The following NKAIN2 variants were observed in gnomAD, a reference collection of about 807,000 sequenced individuals.
NKAIN2 encodes the protein sodium/potassium transporting ATPase interacting 2.
A neutral mutation model predicts 32.6 loss-of-function variants in NKAIN2; 14 were observed. The observed-to-expected ratio is 0.43, with a 90% CI of 0.28 to 0.67. NKAIN2 has a LOEUF of 0.67. Ranked by LOEUF, NKAIN2 falls within the 30% of genes least tolerant of loss-of-function variation. NKAIN2 has a pLI of 0.17. For missense variants in NKAIN2, 198 were observed against 258.3 expected, an observed-to-expected ratio of 0.77 and a Z score of 1.60; for synonymous variants, 80 against 87.2, an observed-to-expected ratio of 0.92 and a Z score of 0.46.
intron 3 of NKAIN2, among the ~76,000 whole-genome samples, chr6:124,520,036 C>A (rs892943672): frequency 6.6e-6 from 1 of 152,064 alleles, no homozygotes; most frequent in African/African-American, 2.4e-5. Context: ...AGGTCACAGA[C>A]AAGTAAGTAT....
At chr6:124,231,549 T>C (rs1184177684) in intron 1 of NKAIN2, among the ~76,000 whole-genome samples, 3 of 152,130 alleles carry the variant, frequency 2.0e-5, no homozygotes, top group Non-Finnish European at 4.4e-5. Flanking sequence ...AGGGACTTGG[T>C]AGGAGATAAT....
intron 3 of NKAIN2, among the ~76,000 whole-genome samples, chr6:124,530,495 T>C (rs77554329): frequency 0.038 from 5,766 of 152,086 alleles, 385 homozygotes; most frequent in African/African-American, 0.13. Context: ...GGTAGGGACA[T>C]TCAATGGAAC....
At chr6:124,807,489 A>G (rs1780632991) in intron 5 of NKAIN2, among the ~76,000 whole-genome samples, 1 of 151,472 alleles carries the variant, frequency 6.6e-6, no homozygotes, top group Non-Finnish European at 1.5e-5. Context: ...CATTCAAAGC[A>G]GTGTGTAGAG....
At chr6:124,193,814 G>C (rs997387574) in intron 1 of NKAIN2, among the ~76,000 whole-genome samples, 2 of 152,016 alleles carry the variant, frequency 1.3e-5, no homozygotes, top group African/African-American at 4.8e-5. Flanking sequence ...GGTGTCCTGA[G>C]GAGTGTTCAG....
At chr6:124,280,734 G>A (rs1018600673) in intron 1 of NKAIN2, among the ~76,000 whole-genome samples, 3 of 152,100 alleles carry the variant, frequency 2.0e-5, no homozygotes, top group Non-Finnish European at 4.4e-5. Flanking sequence ...GGAATTCATA[G>A]GAAAGACTGC....
intron 2 of NKAIN2, among the ~76,000 whole-genome samples, chr6:124,342,507 T>A (rs946764862): frequency 6.6e-6 from 1 of 151,890 alleles, no homozygotes; most frequent in Non-Finnish European, 1.5e-5. Context: ...CTTTTTTTGT[T>A]GTTTTTTCTT....
intron 2 of NKAIN2, among the ~76,000 whole-genome samples, chr6:124,327,610 C>T (rs1240213561): frequency 1.3e-5 from 2 of 152,038 alleles, no homozygotes; most frequent in Non-Finnish European, 2.9e-5. Flanking sequence ...ATCTACTAAA[C>T]AGAGTTGTTA....
At chr6:124,067,149 C>T (rs1442163356) in intron 1 of NKAIN2, among the ~76,000 whole-genome samples, 1 of 152,094 alleles carries the variant, frequency 6.6e-6, no homozygotes, top group Non-Finnish European at 1.5e-5. Context: ...AAGTTCTTCT[C>T]TCTGGAGTCT....
intron 4 of NKAIN2, among the ~76,000 whole-genome samples, chr6:124,664,830 A>C (rs1446052119): frequency 7.4e-6 from 1 of 135,602 alleles, no homozygotes; most frequent in African/African-American, 2.7e-5. Flanking sequence ...AAAAAAAAAA[A>C]ATTTCAAGTT....
At position 124,626,602 on chromosome 6, in the gene NKAIN2, G is replaced by C. The variant is rs368621703; in HGVS notation, c.274-31584G>C. ...TTTATTAAATGCTTCCCACATGCAA[G>C]TAGTAGTCAAAAAGGGAATTACTGA... is the stretch of plus-strand genomic sequence containing the variant. On this transcript the variant is annotated intron_variant, in intron 3 of 6. Transcript: ENST00000368417. Among the ~76,000 whole-genome samples the C allele has an allele frequency of 4.6e-5, 7 of 152,236 alleles. No individual in the cohort carries two copies. The East Asian group carries it at 1.4e-3, about 29-fold the overall frequency.
chr6:123,960,432 A>G (rs1267997), intron 1 of NKAIN2, among the ~76,000 whole-genome samples: 40,676 of 152,066 alleles, frequency 0.27, 5,971 homozygotes, highest in South Asian at 0.4. Context: ...GCAGGCTTTG[A>G]AGCTCTGAGT....
chr6:124,436,737 C>G (rs761320284), intron 3 of NKAIN2, among the ~76,000 whole-genome samples: 1 of 152,150 alleles, frequency 6.6e-6, no homozygotes, highest in Non-Finnish European at 1.5e-5. Flanking sequence ...CCTGTCTGGC[C>G]TCTCACTGGT....
intron 4 of NKAIN2, among the ~76,000 whole-genome samples, chr6:124,663,222 C>T (rs1459675763): frequency 1.3e-5 from 2 of 151,844 alleles, no homozygotes; most frequent in African/African-American, 2.4e-5. Context: ...GTCAGGAGTT[C>T]GAGACCAGCC....
chr6:123,927,402 C>G (rs1776049041), intron 1 of NKAIN2, among the ~76,000 whole-genome samples: 1 of 152,150 alleles, frequency 6.6e-6, no homozygotes, highest in Non-Finnish European at 1.5e-5. Flanking sequence ...GTCAATGAAA[C>G]CTTCTCCAAG....
intron 1 of NKAIN2, among the ~76,000 whole-genome samples, chr6:124,150,375 A>G (rs1323923117): frequency 2.0e-5 from 3 of 152,184 alleles, no homozygotes; most frequent in Non-Finnish European, 4.4e-5. Flanking sequence ...ATATCTGTTC[A>G]CTAAGAACTG....
rs148658650 is a variant in NKAIN2, at chr6:124,823,561, A to G, written c.*332A>G. The G allele has an allele frequency of 2.4e-3, 679 of 283,204 alleles. 4 individuals carry two copies. Among genetic ancestry groups the G allele is most frequent in the African/African-American group, 0.014 (638 of 46,690 alleles). The allele number at this position is 283,204 out of a possible 1,614,324, so 17.5% of individuals were successfully genotyped here. A position where few individuals can be genotyped will look rare whatever the true frequency, so the allele number is the denominator to read the frequency against. Reference sequence around the variant, plus strand: ...TGTTGATGCCCAACGGTTGCCGGCCATTGCTAACTCCTCTGCAGCCCAGCG... The same window carrying G: ...TGTTGATGCCCAACGGTTGCCGGCCGTTGCTAACTCCTCTGCAGCCCAGCG... On this transcript the variant is annotated 3_prime_UTR_variant, in exon 7 of 7. Transcript: ENST00000368417.
chr6:123,885,992 T>G (rs1186524538), intron 1 of NKAIN2, among the ~76,000 whole-genome samples: 1 of 145,472 alleles, frequency 6.9e-6, no homozygotes, highest in Non-Finnish European at 1.5e-5. Context: ...ACTAGAAGAA[T>G]ACAATTAAAA....
At chr6:124,515,476 G>A (rs1236362969) in intron 3 of NKAIN2, among the ~76,000 whole-genome samples, 1 of 151,902 alleles carries the variant, frequency 6.6e-6, no homozygotes, top group Non-Finnish European at 1.5e-5. Flanking sequence ...AGAGAGAGGT[G>A]AGAGGTGCTA....
Position 124,825,320 on chromosome 6 carries a change from C to G in NKAIN2, c.*2091C>G, listed in dbSNP as rs1296560165. The G allele has an allele frequency of 6.6e-6, 1 of 152,474 alleles. No individual in the cohort carries two copies. Among genetic ancestry groups the G allele is most frequent in the African/African-American group, 2.4e-5 (1 of 41,414 alleles). The allele number at this position is 152,474 out of a possible 1,614,324, so 9.4% of individuals were successfully genotyped here. A position where few individuals can be genotyped will look rare whatever the true frequency, so the allele number is the denominator to read the frequency against. Reference sequence around the variant, plus strand: ...ACCAAATCACAACTATCATCACCACCAAAATTTTAAAAAACAGTAGTTGAC... The same window carrying G: ...ACCAAATCACAACTATCATCACCACGAAAATTTTAAAAAACAGTAGTTGAC... On this transcript the variant is annotated 3_prime_UTR_variant, in exon 7 of 7. Transcript: ENST00000368417.
Sources: allele counts gnomAD v4.1 joint callset (sites outside exome capture counted in the v4.1 genomes callset), GRCh38; gene constraint gnomAD v4.1.1; transcripts MANE v1.5; gene names NCBI Gene and HGNC (gene_info 2026-07-23, HGNC 2026-07-21).